The following OXGR1 variants were observed in gnomAD, a reference collection of about 807,000 sequenced individuals.
OXGR1 encodes 2-oxoglutarate receptor 1.
OXGR1 carries 10 observed loss-of-function variants against 10.0 expected under a neutral mutation model. The ratio of observed to expected loss-of-function variants is 1.00; its 90% CI spans 0.62 to 1.70. The LOEUF (loss-of-function observed/expected upper bound fraction) is 1.70. OXGR1 is among the 40% of genes most tolerant of loss of function. OXGR1 has a pLI of 0.00. For missense variants in OXGR1, 398 were observed against 407.6 expected (o/e 0.98, Z 0.20); for synonymous variants, 191 against 155.9 (o/e 1.22, Z -1.68).
At chr13:96,991,666 T>C (rs1882064732) in intron 2 of OXGR1, among the ~76,000 whole-genome samples, 1 of 152,102 alleles carries the variant, frequency 6.6e-6, no homozygotes, top group South Asian at 2.1e-4. Flanking sequence ...TGGAGAACAG[T>C]TTGGAGGTTC....
Position 96,987,137 on chromosome 13 carries a change from C to T in OXGR1, c.623G>A (p.Cys208Tyr), listed in dbSNP as rs1440096525. The T allele has an allele frequency of 1.2e-6, 2 of 1,613,998 alleles. No homozygotes were observed. Among genetic ancestry groups the T allele is most frequent in the East Asian group, 2.2e-5 (1 of 44,888 alleles). The change falls in exon 4 of 4, where the codon TGC becomes TAC. Residue 208 changes from cysteine (C) to tyrosine (Y), a missense_variant. Cys to Tyr is a radical substitution (Grantham distance 194). Coordinates refer to ENST00000541038, the MANE Select transcript of OXGR1 (RefSeq NM_001346194.2). ...AAGTGTCACTATCACCAAGGGGAGG[C>T]AGAAAGTAGTTGCAGTCAAAATCAG... ...YNLILTATTFCLPLVIVTLCY... is the reference protein window; with the variant it reads ...YNLILTATTFYLPLVIVTLCY...
At chr13:96,989,546 G>A (rs771882072) in intron 3 of OXGR1, among the ~76,000 whole-genome samples, 6 of 152,326 alleles carry the variant, frequency 3.9e-5, no homozygotes, top group Non-Finnish European at 8.8e-5. Flanking sequence ...CACAACAAAT[G>A]GTGAGGTAGT....
chr13:96,990,636 C>A (rs1310989595), intron 2 of OXGR1, among the ~76,000 whole-genome samples: 1 of 152,064 alleles, frequency 6.6e-6, no homozygotes, highest in East Asian at 1.9e-4. Context: ...GGGCAACTAT[C>A]ATTCTAAAAA....
chr13:96,987,201 T>C lies in OXGR1; in HGVS notation c.559A>G (p.Thr187Ala). 1 of 1,614,126 alleles carries C rather than the reference T, an allele frequency of 6.2e-7. No homozygotes were observed. The highest frequency in any genetic ancestry group is 8.5e-7 in the Non-Finnish European group (1 of 1,180,012). The change falls in exon 4 of 4, where the codon ACC becomes GCC. Residue 187 changes from threonine to alanine, a missense_variant. Physicochemically the swap from Thr to Ala is moderately conservative, Grantham distance 58 (BLOSUM62 0). Transcript: ENST00000541038. ...ATAGTATTGAGTTCATCCGAACTGG[T>C]GAGGTCGAGACAGGCTGATCTGTTG... ...RTNRSACLDL[T>A]SSDELNTIKW...
chr13:96,993,361 G>A (rs116266823), intron 1 of OXGR1, among the ~76,000 whole-genome samples: 1,545 of 152,100 alleles, frequency 0.01, 22 homozygotes, highest in African/African-American at 0.036. Flanking sequence ...TGGGATTACA[G>A]GCCCGTTCCA....
rs776824805 is a variant in OXGR1 at position 96,986,754 on chromosome 13, T to G, written c.1006A>C (p.Asn336His). 23 of 1,604,570 alleles carry G rather than the reference T, an allele frequency of 1.4e-5. No homozygotes were observed. The highest frequency in any genetic ancestry group is 1.9e-5 in the Non-Finnish European group (22 of 1,176,300). The change falls in exon 4 of 4, where the codon AAC (asparagine) becomes CAC (histidine). Residue 336 changes from asparagine to histidine, a missense_variant. Transcript: ENST00000541038. The stretch of plus-strand genomic sequence containing the variant: ...TAAGTAAATGAAATATTTCAAGGGT[T>G]GTTTGAGTAACTAATTTTCTTTGCT... Reference protein sequence around the residue: ...EQAKKISYSNNP With the variant: ...EQAKKISYSNHP
In OXGR1 at chr13:96,987,556, G is replaced by A; in HGVS notation, c.204C>T (p.Ser68=). 6.2e-7 allele frequency: 1 copy of A among 1,614,042 alleles called. No individual in the cohort carries two copies. Among genetic ancestry groups the A allele is most frequent in the Non-Finnish European group, 8.5e-7 (1 of 1,179,962 alleles). Residue 68 remains serine (S), a synonymous_variant, in exon 4 of 4, where the codon AGC becomes AGT. Coordinates refer to ENST00000541038, the MANE Select transcript of OXGR1 (RefSeq NM_001346194.2). Reference sequence around the variant, plus strand: ...AGGCCAGGTTCAGCATAATGATGGTGCTGCTCTTCCAAGGTCTCATTTTGA... The same window carrying A: ...AGGCCAGGTTCAGCATAATGATGGTACTGCTCTTCCAAGGTCTCATTTTGA... The part of the protein sequence containing the change: ...YIFKMRPWKS[S]TIIMLNLACT...
chr13:96,988,220 T>C (rs1881880859), intron 3 of OXGR1, among the ~76,000 whole-genome samples: 2 of 152,166 alleles, frequency 1.3e-5, no homozygotes, highest in African/African-American at 4.8e-5. Context: ...TGTCACAAAA[T>C]ACTGAAAAGT....
chr13:96,986,793 C>T lies in OXGR1; in HGVS notation c.967G>A (p.Gly323Arg), dbSNP rs757083216. 3.8e-5 allele frequency: 61 copies of T among 1,612,822 alleles called. No individual in the cohort carries two copies. Among genetic ancestry groups the T allele is most frequent in the Middle Eastern group, 1.6e-4 (1 of 6,076 alleles). ...ATTTTCTTTGCTTGCTCAAGGTTCC[C>T]GCTTACTTTGCATCTCACTGTTGAG... is the stretch of plus-strand genomic sequence containing the variant. ...VCSTVRCKVS[G>R]NLEQAKKISY... Residue 323 changes from glycine to arginine, a missense_variant, in exon 4 of 4, where the codon GGG becomes AGG. Physicochemically the swap from Gly to Arg is moderately radical, Grantham distance 125. Transcript: ENST00000541038.
chr13:96,990,836 C>T (rs1482419641), intron 2 of OXGR1, among the ~76,000 whole-genome samples: 1 of 150,018 alleles, frequency 6.7e-6, no homozygotes, highest in Non-Finnish European at 1.5e-5. Flanking sequence ...ATAGTCCCAG[C>T]TACTTGGGAG....
intron 2 of OXGR1, among the ~76,000 whole-genome samples, chr13:96,991,207 T>C (rs1165900436): frequency 6.6e-6 from 1 of 152,100 alleles, no homozygotes; most frequent in African/African-American, 2.4e-5. Context: ...TAATCTGTGT[T>C]CCATAAAACC....
At position 96,987,058 on chromosome 13, in the gene OXGR1, G is replaced by A. The variant is rs1371350107; in HGVS notation, c.702C>T (p.Cys234=). 2 of 1,614,080 alleles carry A rather than the reference G, an allele frequency of 1.2e-6. No homozygotes were observed. Among genetic ancestry groups the A allele is most frequent in the African/African-American group, 2.7e-5 (2 of 74,924 alleles). ...TLTHGLQTDS[C]LKQKARRLTI... ...TTAGCCTTCGTGCTTTCTGCTTAAG[G>A]CAGCTGTCAGTTTGCAGTCCATGGG... Residue 234 remains cysteine, a synonymous_variant, in exon 4 of 4, where the codon TGC becomes TGT. Transcript: ENST00000541038.
intron 3 of OXGR1, among the ~76,000 whole-genome samples, chr13:96,988,671 A>G (rs980098535): frequency 1.3e-5 from 2 of 152,142 alleles, no homozygotes; most frequent in African/African-American, 2.4e-5. Context: ...AGATGGCCAG[A>G]TTTTGGTGCT....
rs776818458 is a variant in OXGR1, at chr13:96,987,537, G to C, written c.223C>G (p.Leu75Val). The C allele has an allele frequency of 3.0e-5, 49 of 1,613,986 alleles. No homozygotes were observed. The highest frequency in any genetic ancestry group is 3.6e-5 in the Non-Finnish European group (43 of 1,180,004). Residue 75 changes from leucine to valine, a missense_variant, in exon 4 of 4, where the codon CTG becomes GTG. Physicochemically the swap from Leu to Val is conservative, Grantham distance 32. Coordinates refer to ENST00000541038, the MANE Select transcript of OXGR1 (RefSeq NM_001346194.2). ...WKSSTIIMLN[L>V]ACTDLLYLTS... is the part of the protein sequence containing the mutation. ...AGATACAGCAGATCTGTGCAGGCCA[G>C]GTTCAGCATAATGATGGTGCTGCTC... is the stretch of plus-strand genomic sequence containing the variant.
Position 96,987,801 on chromosome 13 carries a change from T to C in OXGR1, c.-42A>G. On this transcript the variant is annotated 5_prime_UTR_variant, in exon 4 of 4. Transcript: ENST00000541038. The stretch of plus-strand genomic sequence containing the variant: ...CTTGCAAGAAAACAAGAGAGTTCAG[T>C]TTGGCAATATGAATCAAATGAGCAG... 9 of 1,521,302 alleles carry C rather than the reference T, an allele frequency of 5.9e-6. No individual in the cohort carries two copies. The highest frequency in any genetic ancestry group is 1.4e-5 in the African/African-American group (1 of 71,948). The allele number at this position is 1,521,302 out of a possible 1,614,324, so 94.2% of individuals were successfully genotyped here.
rs942937324 is a variant in OXGR1, at chr13:96,992,446, A to G, written c.-151T>C. Reference sequence around the variant, plus strand: ...CAATTTTAGCCTTTTTTTCTCTGAAATTGGAAAGTAGCTGTGATTGTTTGA... The same window carrying G: ...CAATTTTAGCCTTTTTTTCTCTGAAGTTGGAAAGTAGCTGTGATTGTTTGA... On this transcript the variant is annotated 5_prime_UTR_variant, in exon 2 of 4. Transcript: ENST00000541038. 6.6e-6 allele frequency: 1 copy of G among 152,154 alleles called. No individual in the cohort carries two copies. Among genetic ancestry groups the G allele is most frequent in the East Asian group, 1.9e-4 (1 of 5,190 alleles). The allele number at this position is 152,154 out of a possible 1,614,324, so 9.4% of individuals were successfully genotyped here.
chr13:96,994,503 A>T (rs2138912853), upstream of OXGR1: 1 of 151,650 alleles, frequency 6.6e-6, no homozygotes, highest in Non-Finnish European at 1.5e-5. Context: ...CAGTAGACAC[A>T]GGGACAGCGG....
Position 96,986,250 on chromosome 13 carries a change from A to G in OXGR1, c.*496T>C, listed in dbSNP as rs889205227. ...TCTCAAAGTTAAGCTTGAAGGAAAC[A>G]AATTGTAGAGCTCTGAGATGTAAAA... On this transcript the variant is annotated 3_prime_UTR_variant, in exon 4 of 4. Transcript: ENST00000541038. 2 of 153,392 alleles carry G rather than the reference A, an allele frequency of 1.3e-5. No homozygotes were observed. Among genetic ancestry groups the G allele is most frequent in the Admixed American group, 1.3e-4 (2 of 15,420 alleles). 9.5% of individuals were successfully genotyped at this position (153,392 alleles called of 1,614,324 possible). A position where few individuals can be genotyped will look rare whatever the true frequency, so the allele number is the denominator to read the frequency against.
Position 96,987,624 on chromosome 13 carries a change from C to T in OXGR1, c.136G>A (p.Val46Met), listed in dbSNP as rs189018671. Residue 46 changes from valine to methionine, a missense_variant, in exon 4 of 4, where the codon GTG (valine) becomes ATG (methionine). Physicochemically the swap from Val to Met is conservative, Grantham distance 21. Transcript: ENST00000541038. Reference protein sequence around the residue: ...LPVIYGIIFLVGFPGNAVVIS... With the variant: ...LPVIYGIIFLMGFPGNAVVIS... ...ACTACTGCATTGCCTGGAAATCCCA[C>T]GAGGAAGATAATGCCATAAATAACA... 1.2e-3 allele frequency: 2,010 copies of T among 1,613,970 alleles called. 5 individuals are homozygous for T. Among genetic ancestry groups the T allele is most frequent in the East Asian group, 2.7e-3 (120 of 44,828 alleles).
Sources: gnomAD v4.1 joint callset for allele counts (sites outside exome capture counted in the v4.1 genomes callset) on GRCh38, gnomAD v4.1.1 for gene constraint, MANE v1.5 for transcripts, NCBI Gene and HGNC (gene_info 2026-07-23, HGNC 2026-07-21) for gene names.